The following AFF3 variants were observed in gnomAD, a reference collection of about 807,000 sequenced individuals.
AFF3 encodes the protein ALF transcription elongation factor 3.
In AFF3, 32 loss-of-function variants were observed where a neutral mutation model predicts 129.7. The ratio of observed to expected loss-of-function variants is 0.25; its 90% CI spans 0.19 to 0.33. The LOEUF (loss-of-function observed/expected upper bound fraction) is 0.33. AFF3 is among the 10% of genes least tolerant of loss of function. The pLI, the probability that AFF3 is intolerant of heterozygous loss-of-function variation, is 1.00. For missense variants in AFF3, 1,373 were observed against 1,592.0 expected (o/e 0.86, Z 2.34); for synonymous variants, 644 against 635.4 (o/e 1.01, Z -0.20).
At chr2:100,055,145 C>T (rs1440401464) in intron 4 of AFF3, among the ~76,000 whole-genome samples, 1 of 152,174 alleles carries the variant, frequency 6.6e-6, no homozygotes, top group Non-Finnish European at 1.5e-5. Flanking sequence ...ATCCATTTCA[C>T]TGGGTGTGGC....
chr2:99,852,196 C>T (rs939800885), intron 7 of AFF3, among the ~76,000 whole-genome samples: 7 of 152,160 alleles, frequency 4.6e-5, no homozygotes, highest in Admixed American at 3.9e-4. Flanking sequence ...GTCCTAGAGT[C>T]AGCCCTGATC....
intron 7 of AFF3, among the ~76,000 whole-genome samples, chr2:99,982,578 G>A (rs1460905509): frequency 6.6e-6 from 1 of 152,114 alleles, no homozygotes; most frequent in East Asian, 1.9e-4. Flanking sequence ...TAGGAGCTTA[G>A]GCAACCACAG....
chr2:99,599,137 C>T (rs559071386), intron 14 of AFF3, among the ~76,000 whole-genome samples: 1 of 152,360 alleles, frequency 6.6e-6, no homozygotes, highest in East Asian at 1.9e-4. Flanking sequence ...CCTCTGATAG[C>T]TGCTGGAAGA....
intron 12 of AFF3, among the ~76,000 whole-genome samples, chr2:99,661,895 T>A (rs1180533767): frequency 1.3e-5 from 2 of 152,174 alleles, no homozygotes; most frequent in Admixed American, 6.5e-5. Context: ...ATGCTAACAC[T>A]TTGGAAGGCC....
intron 7 of AFF3, among the ~76,000 whole-genome samples, chr2:99,952,734 T>G (rs1022306800): frequency 1.3e-5 from 2 of 152,202 alleles, no homozygotes; most frequent in African/African-American, 2.4e-5. Flanking sequence ...TGTGTCATGT[T>G]TTCCTTTACA....
chr2:99,759,979 A>T (rs766475326), intron 8 of AFF3, among the ~76,000 whole-genome samples: 4 of 152,206 alleles, frequency 2.6e-5, no homozygotes, highest in African/African-American at 7.2e-5. Context: ...CCTTACAACC[A>T]GAGGAAATGG....
intron 8 of AFF3, among the ~76,000 whole-genome samples, chr2:99,764,666 T>C (rs544695390): frequency 1.3e-5 from 2 of 152,274 alleles, no homozygotes; most frequent in East Asian, 3.9e-4. Context: ...GAACTGAGCA[T>C]TGCATTAAAA....
chr2:99,559,342 G>C (rs1559476131), intron 21 of AFF3, among the ~76,000 whole-genome samples: 1 of 152,212 alleles, frequency 6.6e-6, no homozygotes, highest in Non-Finnish European at 1.5e-5. Flanking sequence ...GCCCCGCTCT[G>C]CGGAAAGGAC....
At chr2:100,077,597 G>A (rs1278962385) in intron 4 of AFF3, among the ~76,000 whole-genome samples, 3 of 152,220 alleles carry the variant, frequency 2.0e-5, no homozygotes, top group African/African-American at 7.2e-5. Context: ...GTGGTAATTT[G>A]TTATAGCAGC....
At chr2:99,660,428 T>C (rs371581126) in intron 12 of AFF3, among the ~76,000 whole-genome samples, 3 of 152,246 alleles carry the variant, frequency 2.0e-5, no homozygotes, top group African/African-American at 7.2e-5. Context: ...TTAGGAAAGA[T>C]TCTCCTAATT....
chr2:100,034,028 T>TA (rs1408560940), intron 4 of AFF3, among the ~76,000 whole-genome samples: 2 of 152,216 alleles, frequency 1.3e-5, no homozygotes, highest in Non-Finnish European at 2.9e-5. Context: ...ACCGAAGCAG[T>TA]AACTTGTTAT....
chr2:99,813,852 T>C (rs1457328800), intron 8 of AFF3, among the ~76,000 whole-genome samples: 1 of 152,210 alleles, frequency 6.6e-6, no homozygotes, highest in African/African-American at 2.4e-5. Flanking sequence ...CACCTGTTTA[T>C]AAAGTGCACC....
intron 15 of AFF3, among the ~76,000 whole-genome samples, chr2:99,592,939 C>CCA (rs1553394578): frequency 1.1e-5 from 1 of 94,450 alleles, no homozygotes; most frequent in Non-Finnish European, 2.2e-5. Flanking sequence ...CCCTCCCCCC[C>CCA]CCCCAAAAAA....
At chr2:99,823,930 T>TA (rs1356889114) in intron 8 of AFF3, among the ~76,000 whole-genome samples, 1 of 151,990 alleles carries the variant, frequency 6.6e-6, no homozygotes, top group Non-Finnish European at 1.5e-5. Flanking sequence ...ATGGGAGCGA[T>TA]AGACACCGGG....
chr2:100,104,878 CG>C (rs1193696046), intron 3 of AFF3: 2 of 340,406 alleles, frequency 5.9e-6, no homozygotes, highest in African/African-American at 4.6e-5. Context: ...CGCGTGTGCG[CG>C]GGCGAGGCCG....
chr2:100,015,449 A>T (rs1421252241), intron 4 of AFF3, among the ~76,000 whole-genome samples: 2 of 152,138 alleles, frequency 1.3e-5, no homozygotes, highest in African/African-American at 2.4e-5. Flanking sequence ...AGGAGGAGAG[A>T]AGAACGTTCC....
At chr2:99,691,453 C>T (rs902107324) in intron 11 of AFF3, among the ~76,000 whole-genome samples, 1 of 152,124 alleles carries the variant, frequency 6.6e-6, no homozygotes, top group Admixed American at 6.5e-5. Context: ...TGGAGCATTT[C>T]CTTGCTTTCT....
intron 7 of AFF3, among the ~76,000 whole-genome samples, chr2:99,960,485 T>A (rs1677109457): frequency 6.6e-6 from 1 of 152,184 alleles, no homozygotes; most frequent in Non-Finnish European, 1.5e-5. Context: ...TAGCACCATA[T>A]GGACTAACTC....
intron 2 of AFF3, among the ~76,000 whole-genome samples, chr2:100,107,804 A>G (rs1691369795): frequency 6.6e-6 from 1 of 152,182 alleles, no homozygotes; most frequent in Non-Finnish European, 1.5e-5. Context: ...AAATAAATCC[A>G]GAAGCAAACC....
Sources: gnomAD v4.1 joint callset for allele counts (sites outside exome capture counted in the v4.1 genomes callset) on GRCh38, gnomAD v4.1.1 for gene constraint, MANE v1.5 for transcripts, NCBI Gene and HGNC (gene_info 2026-07-23, HGNC 2026-07-21) for gene names.